DYNC1H1: variants seen among roughly 807,000 people sequenced by gnomAD.
DYNC1H1 encodes the protein dynein cytoplasmic 1 heavy chain 1.
DYNC1H1 carries 51 observed loss-of-function variants against 527.1 expected under a neutral mutation model. That is an observed-to-expected ratio of 0.10 (90% CI 0.08 to 0.12). DYNC1H1 has a LOEUF of 0.12. Ranked by LOEUF, DYNC1H1 falls within the 10% of genes least tolerant of loss-of-function variation. DYNC1H1 has a pLI of 1.00. For synonymous variants in DYNC1H1, 2,189 were observed against 2,278.8 expected, an observed-to-expected ratio of 0.96 and a Z score of 1.12; for missense variants, 2,771 against 5,971.8, an observed-to-expected ratio of 0.46 and a Z score of 17.66.
rs547205132 is a variant in DYNC1H1 at position 102,047,882 on chromosome 14, G to A, written c.13072G>A (p.Ala4358Thr). The A allele has an allele frequency of 3.7e-5, 60 of 1,613,598 alleles. No individual in the cohort carries two copies. The highest frequency in any genetic ancestry group is 5.3e-5 in the African/African-American group (4 of 74,866). Residue 4358 changes from alanine to threonine, a missense_variant, in exon 73 of 78, where the codon GCA becomes ACA. By Grantham distance (58) the Ala-to-Thr change is moderately conservative (BLOSUM62 0). Transcript: ENST00000360184. ...GGAGGATGAGGACGACCTGGCCTAC[G>A]CAGAGACTGAGAAGAAGACGAGGAC... ...MLEDEDDLAYAETEKKTRTDS... is the reference protein window; with the variant it reads ...MLEDEDDLAYTETEKKTRTDS...
chr14:102,016,328 G>C lies in DYNC1H1; in HGVS notation c.7474-21G>C. On this transcript the variant is annotated intron_variant, in intron 36 of 77. Transcript: ENST00000360184. This position sits in a 1 kb window ranked among gnomAD's most constrained non-coding sequence, Gnocchi z 7.3. The stretch of plus-strand genomic sequence containing the variant: ...TTGTTGAAATTTTATAAAAATCAAA[G>C]TTTAATTCCCTTTTTAATAGCGATA... The C allele has an allele frequency of 6.2e-7, 1 of 1,614,090 alleles. No individual in the cohort carries two copies. Among genetic ancestry groups the C allele is most frequent in the Non-Finnish European group, 8.5e-7 (1 of 1,179,982 alleles).
intron 9 of DYNC1H1, 121 bp downstream of exon 9, chr14:101,987,753 C>T (rs1316864027): frequency 1.1e-5 from 13 of 1,171,326 alleles, no homozygotes; most frequent in Admixed American, 1.9e-5. Context: ...GTTCAATTCC[C>T]CTCCAAAATC....
rs1164746306 is a variant in DYNC1H1 at position 102,050,851 on chromosome 14, T to C, written c.*288T>C. 3.1e-5 allele frequency: 13 copies of C among 422,348 alleles called. No homozygotes were observed. In the Middle Eastern group the frequency reaches 3.0e-3, roughly 98 times the overall value. The allele number at this position is 422,348 out of a possible 1,614,324, so 26.2% of individuals were successfully genotyped here. On this transcript the variant is annotated 3_prime_UTR_variant, in exon 78 of 78. Coordinates refer to ENST00000360184, the MANE Select transcript of DYNC1H1 (RefSeq NM_001376.5). ...CCAGGGCACAGAGCCTTGCCTTCCA[T>C]GCTGCCCAGGGAGGGCAGCCCACGG...
chr14:102,033,623 C>A lies in DYNC1H1; in HGVS notation c.10413+139C>A. 9.1e-7 allele frequency: 1 copy of A among 1,098,688 alleles called. No homozygotes were observed. 68.1% of individuals were successfully genotyped at this position (1,098,688 alleles called of 1,614,324 possible). A position where few individuals can be genotyped will look rare whatever the true frequency, so the allele number is the denominator to read the frequency against. On this transcript the variant is annotated intron_variant, in intron 54 of 77. Coordinates refer to ENST00000360184, the MANE Select transcript of DYNC1H1 (RefSeq NM_001376.5). The surrounding 1 kb of genome is among the most constrained non-coding windows in gnomAD (Gnocchi z 5.6). ...CTGTAAGGCCCCGGAGGACTTTTTT[C>A]CTGGAAAATAATACACACTGAGTAG...
At chr14:102,007,861 C>T (rs1466103625) in intron 28 of DYNC1H1, among the ~76,000 whole-genome samples, 4 of 152,184 alleles carry the variant, frequency 2.6e-5, no homozygotes, top group African/African-American at 7.2e-5. Context: ...AAGGTGCCAG[C>T]GGGGTTCAGT....
intron 2 of DYNC1H1, among the ~76,000 whole-genome samples, chr14:101,976,237 A>G (rs1192477832): frequency 6.6e-6 from 1 of 150,808 alleles, no homozygotes; most frequent in Admixed American, 6.6e-5. Context: ...ATTGACTCAG[A>G]CAAACACATT....
rs763184509 is a variant in DYNC1H1, at chr14:101,986,514, G to A, written c.2289G>A (p.Ala763=). 18 of 1,614,022 alleles carry A rather than the reference G, an allele frequency of 1.1e-5. No individual in the cohort carries two copies. Among genetic ancestry groups the A allele is most frequent in the Admixed American group, 3.3e-5 (2 of 59,996 alleles). The change falls in exon 8 of 78, where the codon GCG becomes GCA. Residue 763 remains alanine, a synonymous_variant. Transcript: ENST00000360184. This position sits in a 1 kb window ranked among gnomAD's most constrained non-coding sequence, Gnocchi z 8.7. ...GGCTTGGTTTCCGCGTCCCACTGGC[G>A]ATTGTGAACAAAGCCCATCAAGCAA... The part of the protein sequence containing the change: ...LKWLGFRVPL[A]IVNKAHQANQ...
chr14:102,047,761 G>C lies in DYNC1H1; in HGVS notation c.13007-56G>C, dbSNP rs977488242. The C allele has an allele frequency of 1.3e-5, 21 of 1,606,144 alleles. No individual in the cohort carries two copies. In the Admixed American group the frequency reaches 2.5e-4, roughly 19 times the overall value. Reference sequence around the variant, plus strand: ...ACGTTCAAGTCCCTTTTCCCTCTGTGATTTCTTGCCCGTCCCCTCCCTCCT... The same window carrying C: ...ACGTTCAAGTCCCTTTTCCCTCTGTCATTTCTTGCCCGTCCCCTCCCTCCT... On this transcript the variant is annotated intron_variant, in intron 72 of 77. Coordinates refer to ENST00000360184, the MANE Select transcript of DYNC1H1 (RefSeq NM_001376.5).
chr14:102,033,513 T>C lies in DYNC1H1; in HGVS notation c.10413+29T>C. ...AGATTATCATCATTGATCCTCAGCC[T>C]TTCCTGCTGTGGAAGCAGAGATTAA... On this transcript the variant is annotated intron_variant, in intron 54 of 77. Transcript: ENST00000360184. The surrounding 1 kb of genome is among the most constrained non-coding windows in gnomAD (Gnocchi z 5.6). 1 of 1,612,094 alleles carries C rather than the reference T, an allele frequency of 6.2e-7. No homozygotes were observed. Among genetic ancestry groups the C allele is most frequent in the Non-Finnish European group, 8.5e-7 (1 of 1,178,806 alleles).
intron 18 of DYNC1H1, 166 bp downstream of exon 18, chr14:102,000,565 T>G (rs979983553): frequency 5.6e-6 from 4 of 709,160 alleles, no homozygotes; most frequent in Non-Finnish European, 9.3e-6. Context: ...TAAAACTTAT[T>G]TTGAAACCTT....
chr14:102,002,982 G>T lies in DYNC1H1; in HGVS notation c.4883+17G>T. On this transcript the variant is annotated intron_variant, in intron 23 of 77. Transcript: ENST00000360184. This position sits in a 1 kb window ranked among gnomAD's most constrained non-coding sequence, Gnocchi z 4.4. The stretch of plus-strand genomic sequence containing the variant: ...TTTCCCCAGGTAAGATCCTTGCTTT[G>T]ACTTGGCCTGGAGTCAAGTTGAATT... 1.2e-6 allele frequency: 2 copies of T among 1,613,792 alleles called. No homozygotes were observed. The highest frequency in any genetic ancestry group is 2.2e-5 in the South Asian group (2 of 91,018).
rs974953944 is a variant in DYNC1H1, at chr14:101,984,395, G to A, written c.1461+786G>A. ...TGTGTGTGTGTGTATATATATATGCGTATATATGTGTGTGTGTGTGTGTGT... is the reference window on the plus strand; with the variant it reads ...TGTGTGTGTGTGTATATATATATGCATATATATGTGTGTGTGTGTGTGTGT... On this transcript the variant is annotated intron_variant, in intron 7 of 77. Coordinates refer to ENST00000360184, the MANE Select transcript of DYNC1H1 (RefSeq NM_001376.5). 1.6e-4 allele frequency among the ~76,000 whole-genome samples: 18 copies of A among 114,442 alleles called. No homozygotes were observed. The South Asian group carries it at 3.1e-3, about 20-fold the overall frequency. 75.1% of individuals were successfully genotyped at this position (114,442 alleles called of 152,430 possible). A position where few individuals can be genotyped will look rare whatever the true frequency, so the allele number is the denominator to read the frequency against.
chr14:102,042,581 G>C lies in DYNC1H1; in HGVS notation c.12400-54G>C. ...CTGTCGGCACGTGTGTGGTGGAATT[G>C]AACAGGCGCCCTCATCCACACCCGA... On this transcript the variant is annotated intron_variant, in intron 68 of 77. Transcript: ENST00000360184. This position sits in a 1 kb window ranked among gnomAD's most constrained non-coding sequence, Gnocchi z 5.7. 3.1e-6 allele frequency: 5 copies of C among 1,613,672 alleles called. No homozygotes were observed. The highest frequency in any genetic ancestry group is 4.2e-6 in the Non-Finnish European group (5 of 1,179,828).
chr14:101,970,205 A>C (rs1363318515), intron 1 of DYNC1H1, among the ~76,000 whole-genome samples: 1 of 152,094 alleles, frequency 6.6e-6, no homozygotes, highest in Admixed American at 6.6e-5. Context: ...TCATATTCCT[A>C]ATGATGTTAC....
In DYNC1H1 at chr14:101,995,039, C is replaced by T. The variant is rs780207643; in HGVS notation, c.3387C>T (p.Ser1129=). The T allele has an allele frequency of 6.2e-7, 1 of 1,614,184 alleles. No homozygotes were observed. The highest frequency in any genetic ancestry group is 8.5e-7 in the Non-Finnish European group (1 of 1,180,030). Residue 1129 remains serine, a synonymous_variant, in exon 14 of 78, where the codon AGC becomes AGT. Transcript: ENST00000360184. ...ACTCTTGGCATAAGGAGGTTCTTAGCAAATTTGGGCAGATGCTAGGATCAA... is the reference window on the plus strand; with the variant it reads ...ACTCTTGGCATAAGGAGGTTCTTAGTAAATTTGGGCAGATGCTAGGATCAA... The part of the protein sequence containing the change: ...KYDSWHKEVL[S]KFGQMLGSNM...
At chr14:101,998,441 C>T (rs2048090493) in intron 16 of DYNC1H1, among the ~76,000 whole-genome samples, 1 of 152,160 alleles carries the variant, frequency 6.6e-6, no homozygotes, top group Non-Finnish European at 1.5e-5. Flanking sequence ...TATGGTGGGT[C>T]CCAGGCGATT....
chr14:102,020,146 T>G lies in DYNC1H1; in HGVS notation c.8507+90T>G, dbSNP rs893185614. 5 of 1,544,086 alleles carry G rather than the reference T, an allele frequency of 3.2e-6. No homozygotes were observed. Among genetic ancestry groups the G allele is most frequent in the Admixed American group, 1.9e-5 (1 of 52,152 alleles). On this transcript the variant is annotated intron_variant, in intron 42 of 77. Coordinates refer to ENST00000360184, the MANE Select transcript of DYNC1H1 (RefSeq NM_001376.5). This position sits in a 1 kb window ranked among gnomAD's most constrained non-coding sequence, Gnocchi z 4.3. ...AGCTGGGGTCTTTGCAGGGGTGGTC[T>G]GCCTAAGTTAGAGCCAGGTGGTGCC...
chr14:102,000,245 T>C (rs1158013137), intron 17 of DYNC1H1, 41 bp from the exon 18 acceptor site: 2 of 1,614,026 alleles, frequency 1.2e-6, no homozygotes, highest in Non-Finnish European at 1.7e-6. Flanking sequence ...TGGGGTGATT[T>C]CTATTTCCAA....
Position 102,011,030 on chromosome 14 carries a change from C to T in DYNC1H1, c.6618+78C>T. 2 of 1,490,530 alleles carry T rather than the reference C, an allele frequency of 1.3e-6. No homozygotes were observed. The highest frequency in any genetic ancestry group is 1.4e-5 in the African/African-American group (1 of 72,396). 92.3% of individuals were successfully genotyped at this position (1,490,530 alleles called of 1,614,324 possible). ...GTGTCTGGTAATGACAACCGTGGGC[C>T]CTTCGATGAAACTGTCCACAAAGGC... On this transcript the variant is annotated intron_variant, in intron 32 of 77. Coordinates refer to ENST00000360184, the MANE Select transcript of DYNC1H1 (RefSeq NM_001376.5). This position sits in a 1 kb window ranked among gnomAD's most constrained non-coding sequence, Gnocchi z 5.3.
Sources: allele counts gnomAD v4.1 joint callset (sites outside exome capture counted in the v4.1 genomes callset), GRCh38; gene constraint gnomAD v4.1.1; non-coding constraint Gnocchi (gnomAD v3.1); transcripts MANE v1.5; gene names NCBI Gene and HGNC (gene_info 2026-07-23, HGNC 2026-07-21).